The following CNOT11 variants were observed in gnomAD, a reference collection of about 807,000 sequenced individuals.
The protein encoded by CNOT11 is CCR4-NOT transcription complex subunit 11.
Under a neutral mutation model 44.6 loss-of-function variants are expected in CNOT11, and 18 were observed. That is an observed-to-expected ratio of 0.40 (90% confidence interval 0.28 to 0.60). The LOEUF is 0.60. Ranked by LOEUF, CNOT11 falls within the 20% of genes least tolerant of loss-of-function variation. The pLI is 0.38. For missense variants in CNOT11, 513 were observed against 677.0 expected (o/e 0.76, Z 2.69); for synonymous variants, 291 against 270.9 (o/e 1.07, Z -0.73).
chr2:101,264,696 C>T (rs1468045934), intron 3 of CNOT11, 149 bp from the exon 4 acceptor site: 4 of 638,702 alleles, frequency 6.3e-6, no homozygotes, highest in Middle Eastern at 4.3e-4. Context: ...CTTCCTGTGT[C>T]ATTCCTGCTT....
chr2:101,263,791 C>G (rs941273418), intron 3 of CNOT11, among the ~76,000 whole-genome samples: 1 of 152,140 alleles, frequency 6.6e-6, no homozygotes, highest in Non-Finnish European at 1.5e-5. Flanking sequence ...AATATTTGCT[C>G]GGGCAGAACT....
rs1174128378 is a variant in CNOT11, at chr2:101,253,643, C to G, written c.514+165C>G. Among the ~76,000 whole-genome samples, 1 of 152,236 alleles carries G rather than the reference C, an allele frequency of 6.6e-6. No individual in the cohort carries two copies. The highest frequency in any genetic ancestry group is 2.4e-5 in the African/African-American group (1 of 41,470). ...TCCCACGCCCCTCACTCCTCCCCGCCTTAACTCTAAAGAATGGAGAGGTGG... is the reference window on the plus strand; with the variant it reads ...TCCCACGCCCCTCACTCCTCCCCGCGTTAACTCTAAAGAATGGAGAGGTGG... On this transcript the variant is annotated intron_variant, in intron 1 of 6. Transcript: ENST00000289382. This position sits in a 1 kb window ranked among gnomAD's most constrained non-coding sequence, Gnocchi z 4.3.
At chr2:101,259,471 A>G (rs536782527) in intron 2 of CNOT11, among the ~76,000 whole-genome samples, 58 of 152,316 alleles carry the variant, frequency 3.8e-4, no homozygotes, top group Non-Finnish European at 7.2e-4. Context: ...AGGCTCTCTG[A>G]GTTCTGAAGG....
At position 101,257,851 on chromosome 2, in the gene CNOT11, C is replaced by T; in HGVS notation, c.575C>T (p.Pro192Leu). ...KFFLSQLMLAPPRELFKKTPR... is the reference protein window; with the variant it reads ...KFFLSQLMLALPRELFKKTPR... ...TTTCTTTCCCAGCTGATGCTGGCACCCCCACGGGAACTCTTCAAAAAGACG... is the reference window on the plus strand; with the variant it reads ...TTTCTTTCCCAGCTGATGCTGGCACTCCCACGGGAACTCTTCAAAAAGACG... Residue 192 changes from proline (P) to leucine (L), a missense_variant, in exon 2 of 7, where the codon CCC becomes CTC. Pro to Leu is a moderately conservative substitution (Grantham distance 98). Coordinates refer to ENST00000289382, the MANE Select transcript of CNOT11 (RefSeq NM_017546.5). 6.2e-7 allele frequency: 1 copy of T among 1,613,900 alleles called. No homozygotes were observed. The highest frequency in any genetic ancestry group is 8.5e-7 in the Non-Finnish European group (1 of 1,179,866).
Position 101,256,182 on chromosome 2 carries a change from G to A in CNOT11, c.515-1609G>A, listed in dbSNP as rs558951725. Among the ~76,000 whole-genome samples, 18 of 151,434 alleles carry A rather than the reference G, an allele frequency of 1.2e-4. No individual in the cohort carries two copies. In the South Asian group the frequency reaches 1.5e-3, roughly 12 times the overall value. On this transcript the variant is annotated intron_variant, in intron 1 of 6. Transcript: ENST00000289382. ...AGAAGTTGAGGGATTTTGTGCAACCGGGGTGTAGGGTACATGGATGGGAGA... is the reference window on the plus strand; with the variant it reads ...AGAAGTTGAGGGATTTTGTGCAACCAGGGTGTAGGGTACATGGATGGGAGA...
Position 101,266,053 on chromosome 2 carries a change from G to A in CNOT11, c.1036-624G>A, listed in dbSNP as rs550041035. Among the ~76,000 whole-genome samples the A allele has an allele frequency of 1.3e-4, 20 of 152,144 alleles. No homozygotes were observed. In the East Asian group the frequency reaches 2.7e-3, roughly 21 times the overall value. ...CCACTGTGGAACATATTAAGTAGAC[G>A]GGGGAAAAAAAGCATAGGACATTTA... On this transcript the variant is annotated intron_variant, in intron 4 of 6. Transcript: ENST00000289382.
In CNOT11 at chr2:101,269,569, T is replaced by C. The variant is rs114901762; in HGVS notation, c.*156T>C. 2.3e-3 allele frequency: 1,304 copies of C among 567,350 alleles called. 9 individuals are homozygous for C. The highest frequency in any genetic ancestry group is 0.023 in the African/African-American group (1,199 of 53,256). 35.1% of individuals were successfully genotyped at this position (567,350 alleles called of 1,614,324 possible). ...TTTTGCTTTCTTGAATGACTTTTTC[T>C]GTGAGATGAATTTTTGATAAGAACT... On this transcript the variant is annotated 3_prime_UTR_variant, in exon 7 of 7. Coordinates refer to ENST00000289382, the MANE Select transcript of CNOT11 (RefSeq NM_017546.5). This position sits in a 1 kb window ranked among gnomAD's most constrained non-coding sequence, Gnocchi z 4.8.
chr2:101,260,453 G>C (rs374504809), intron 2 of CNOT11, among the ~76,000 whole-genome samples: 37 of 152,238 alleles, frequency 2.4e-4, no homozygotes, highest in Middle Eastern at 6.8e-3. Flanking sequence ...AAGCCTGGCC[G>C]AGTGGCTAAG....
intron 2 of CNOT11, among the ~76,000 whole-genome samples, chr2:101,261,940 G>A (rs940238188): frequency 2.8e-5 from 4 of 142,706 alleles, no homozygotes; most frequent in Admixed American, 7.6e-5. Context: ...TCCGCCTCCC[G>A]GGTTCATGCC....
intron 2 of CNOT11, among the ~76,000 whole-genome samples, chr2:101,258,699 C>A (rs1245660990): frequency 2.0e-5 from 3 of 150,410 alleles, no homozygotes; most frequent in Non-Finnish European, 4.4e-5. Context: ...TGGCTCACAC[C>A]TGTAATTGGG....
chr2:101,254,124 A>G (rs1009171012), intron 1 of CNOT11, among the ~76,000 whole-genome samples: 13 of 151,472 alleles, frequency 8.6e-5, no homozygotes, highest in Non-Finnish European at 1.5e-4. Flanking sequence ...GCGAGGCTGC[A>G]TTTTTTTTTG....
At chr2:101,266,994 A>G in intron 5 of CNOT11, 115 bp downstream of exon 5, 1 of 718,138 alleles carries the variant, frequency 1.4e-6, no homozygotes, top group Non-Finnish European at 2.3e-6. Context: ...TAACTATTAA[A>G]GAAATAATGT....
At chr2:101,258,735 A>T (rs1381829343) in intron 2 of CNOT11, among the ~76,000 whole-genome samples, 1 of 151,444 alleles carries the variant, frequency 6.6e-6, no homozygotes, top group East Asian at 1.9e-4. Context: ...AATCACTTGA[A>T]CCTGGGAGCT....
intron 1 of CNOT11, among the ~76,000 whole-genome samples, chr2:101,256,763 A>G (rs919055139): frequency 6.6e-6 from 1 of 152,220 alleles, no homozygotes; most frequent in Non-Finnish European, 1.5e-5. Flanking sequence ...AAATGCAGTT[A>G]TTGGGCCAGG....
At chr2:101,261,562 T>A (rs1293870964) in intron 2 of CNOT11, among the ~76,000 whole-genome samples, 4 of 152,210 alleles carry the variant, frequency 2.6e-5, no homozygotes, top group African/African-American at 9.7e-5. Context: ...CATGTAAACA[T>A]TATAAAGAAA....
At chr2:101,255,520 G>A (rs1681718918) in intron 1 of CNOT11, among the ~76,000 whole-genome samples, 3 of 151,990 alleles carry the variant, frequency 2.0e-5, no homozygotes, top group Non-Finnish European at 4.4e-5. Flanking sequence ...ACCTGTGAGT[G>A]TTACCCACTA....
chr2:101,253,481 AC>A lies in CNOT11; in HGVS notation c.514+5del. The A allele has an allele frequency of 6.8e-7, 1 of 1,470,108 alleles. No homozygotes were observed. Among genetic ancestry groups the A allele is most frequent in the Non-Finnish European group, 8.9e-7 (1 of 1,120,328 alleles). The allele number at this position is 1,470,108 out of a possible 1,614,324, so 91.1% of individuals were successfully genotyped here. ...ACCCGACCGCCCTCCGCTCTCAGGT[AC>A]CTCCTGAAGCCAGCTGTGCCGTGTG... On this transcript the variant is annotated splice_donor_region_variant and intron_variant, in intron 1 of 6. Transcript: ENST00000289382. The surrounding 1 kb of genome is among the most constrained non-coding windows in gnomAD (Gnocchi z 4.3).
Position 101,253,574 on chromosome 2 carries a change from A to C in CNOT11, c.514+96A>C. On this transcript the variant is annotated intron_variant, in intron 1 of 6. Transcript: ENST00000289382. The surrounding 1 kb of genome is among the most constrained non-coding windows in gnomAD (Gnocchi z 4.3). ...AACTCACCTGAAAGGGAAATTAACT[A>C]TCCCTGTGAAATGATCATCCTCTTT... The C allele has an allele frequency of 5.6e-6, 6 of 1,077,994 alleles. No homozygotes were observed. The highest frequency in any genetic ancestry group is 3.6e-5 in the Admixed American group (1 of 27,440). 66.8% of individuals were successfully genotyped at this position (1,077,994 alleles called of 1,614,324 possible). A position where few individuals can be genotyped will look rare whatever the true frequency, so the allele number is the denominator to read the frequency against.
chr2:101,252,944 A>C lies in CNOT11; in HGVS notation c.-21A>C, dbSNP rs1002058467. ...CGCCAGGGCCCCTCGGGCCGGGAAG[A>C]GGGGAAGGGGAGCGAGGTTGATGCC... On this transcript the variant is annotated 5_prime_UTR_variant, in exon 1 of 7. Transcript: ENST00000289382. 5 of 1,425,088 alleles carry C rather than the reference A, an allele frequency of 3.5e-6. No homozygotes were observed. The African/African-American group carries it at 6.0e-5, about 17-fold the overall frequency. The allele number at this position is 1,425,088 out of a possible 1,614,324, so 88.3% of individuals were successfully genotyped here. A position where few individuals can be genotyped will look rare whatever the true frequency, so the allele number is the denominator to read the frequency against.
Sources: allele counts gnomAD v4.1 joint callset (sites outside exome capture counted in the v4.1 genomes callset), GRCh38; gene constraint gnomAD v4.1.1; non-coding constraint Gnocchi (gnomAD v3.1); transcripts MANE v1.5; gene names NCBI Gene and HGNC (gene_info 2026-07-23, HGNC 2026-07-21).